PDZD2: variants seen among roughly 807,000 people sequenced by gnomAD.
PDZD2 encodes the protein PDZ domain-containing protein 2.
A neutral mutation model predicts 220.7 loss-of-function variants in PDZD2; 90 were observed. The ratio of observed to expected loss-of-function variants is 0.41; its 90% CI spans 0.34 to 0.49. PDZD2 has a LOEUF of 0.49. PDZD2 is among the 20% of genes least tolerant of loss of function. PDZD2 has a pLI of 0.28. For missense variants in PDZD2, 3,174 were observed against 3,608.5 expected (o/e 0.88, Z 3.08); for synonymous variants, 1,375 against 1,450.5 (o/e 0.95, Z 1.18).
At chr5:31,923,649 C>G in intron 2 of PDZD2, 1 of 697,510 alleles carries the variant, frequency 1.4e-6, no homozygotes, top group Non-Finnish European at 2.7e-6. Context: ...TGGCACAAGG[C>G]TCTTCACAGA....
chr5:31,958,674 G>A (rs192930563), intron 2 of PDZD2, among the ~76,000 whole-genome samples: 1 of 152,270 alleles, frequency 6.6e-6, no homozygotes, highest in East Asian at 1.9e-4. Flanking sequence ...AGGCTGGAGA[G>A]CAGTGGTGCA....
chr5:31,801,707 A>G (rs1353556825), intron 2 of PDZD2, among the ~76,000 whole-genome samples: 2 of 152,140 alleles, frequency 1.3e-5, no homozygotes, highest in Non-Finnish European at 2.9e-5. Flanking sequence ...CAGATGCCCC[A>G]TGTGTGAAAT....
intron 14 of PDZD2, among the ~76,000 whole-genome samples, chr5:32,067,911 CAAT>C (rs2112372227): frequency 1.3e-5 from 2 of 152,220 alleles, no homozygotes; most frequent in East Asian, 3.9e-4. Context: ...CAATAATAGT[CAAT>C]GATGCCAAAA....
intron 1 of PDZD2, among the ~76,000 whole-genome samples, chr5:31,658,497 CCTCT>C (rs934196495): frequency 1.6e-4 from 24 of 152,280 alleles, no homozygotes; most frequent in African/African-American, 5.3e-4. Context: ...CTGCCGTTAA[CCTCT>C]CTGTGTCTGT....
At chr5:31,689,353 A>ATATATATATATATATATTT in intron 1 of PDZD2, among the ~76,000 whole-genome samples, 1 of 35,120 alleles carries the variant, frequency 2.8e-5, no homozygotes, top group African/African-American at 2.1e-4. Flanking sequence ...ATATATATAT[A>ATATATATATATATATATTT]TTTTTTTTTT....
At chr5:32,041,416 G>A (rs1389902188) in intron 7 of PDZD2, among the ~76,000 whole-genome samples, 1 of 149,772 alleles carries the variant, frequency 6.7e-6, no homozygotes, top group Non-Finnish European at 1.5e-5. Flanking sequence ...GGGAAACGTG[G>A]GGAAAAGAGA....
At chr5:31,821,785 C>T (rs575518749) in intron 2 of PDZD2, among the ~76,000 whole-genome samples, 12 of 152,118 alleles carry the variant, frequency 7.9e-5, no homozygotes, top group South Asian at 4.2e-4. Context: ...CCCATCAAGC[C>T]GTCATCTAGG....
At chr5:31,891,713 C>T (rs1421911057) in intron 2 of PDZD2, among the ~76,000 whole-genome samples, 1 of 152,150 alleles carries the variant, frequency 6.6e-6, no homozygotes, top group Non-Finnish European at 1.5e-5. Flanking sequence ...GAATGCTCAC[C>T]AACGCTGTCA....
chr5:31,827,707 A>G (rs1756312400), intron 2 of PDZD2, among the ~76,000 whole-genome samples: 3 of 90,206 alleles, frequency 3.3e-5, no homozygotes, highest in African/African-American at 5.3e-5. Context: ...AAATAAATAA[A>G]TAAAAAAATA....
At chr5:31,918,921 C>G (rs1053029342) in intron 2 of PDZD2, among the ~76,000 whole-genome samples, 1 of 152,218 alleles carries the variant, frequency 6.6e-6, no homozygotes, top group African/African-American at 2.4e-5. Context: ...CTGATTGGAG[C>G]TGGCAGCCCC....
intron 2 of PDZD2, among the ~76,000 whole-genome samples, chr5:31,931,153 G>T (rs1318218240): frequency 1.3e-5 from 2 of 152,152 alleles, no homozygotes; most frequent in Non-Finnish European, 2.9e-5. Context: ...CTCTTGAGTA[G>T]CTGGGATTAC....
chr5:31,930,977 G>A (rs1302603474), intron 2 of PDZD2, among the ~76,000 whole-genome samples: 2 of 152,164 alleles, frequency 1.3e-5, no homozygotes, highest in East Asian at 3.9e-4. Flanking sequence ...ATTGGCATGA[G>A]TTGGAAGAGG....
At chr5:31,707,383 C>T (rs1747883102) in intron 1 of PDZD2, among the ~76,000 whole-genome samples, 1 of 151,540 alleles carries the variant, frequency 6.6e-6, no homozygotes, top group African/African-American at 2.4e-5. Context: ...GTAGAGAAAC[C>T]AGTGCTTGCT....
At chr5:31,954,994 A>T (rs1747533201) in intron 2 of PDZD2, among the ~76,000 whole-genome samples, 1 of 152,086 alleles carries the variant, frequency 6.6e-6, no homozygotes, top group Non-Finnish European at 1.5e-5. Flanking sequence ...TGCCAAATTG[A>T]GTGTAATCAT....
chr5:31,881,642 T>C (rs1739935599), intron 2 of PDZD2, among the ~76,000 whole-genome samples: 1 of 150,690 alleles, frequency 6.6e-6, no homozygotes, highest in Non-Finnish European at 1.5e-5. Context: ...CTTCCCAGAG[T>C]GCTGGAATTA....
At chr5:31,825,362 A>G (rs1756147580) in intron 2 of PDZD2, among the ~76,000 whole-genome samples, 2 of 152,206 alleles carry the variant, frequency 1.3e-5, no homozygotes, top group African/African-American at 4.8e-5. Flanking sequence ...GATGAAAGAC[A>G]GTGTCCCCAG....
At chr5:31,871,312 G>A (rs990330506) in intron 2 of PDZD2, among the ~76,000 whole-genome samples, 1 of 152,188 alleles carries the variant, frequency 6.6e-6, no homozygotes, top group African/African-American at 2.4e-5. Flanking sequence ...AGGATCACCT[G>A]TATTTGGAAT....
In PDZD2 at chr5:32,089,745, A is replaced by G; in HGVS notation, c.6297A>G (p.Ala2099=). 6.2e-7 allele frequency: 1 copy of G among 1,614,208 alleles called. No individual in the cohort carries two copies. The highest frequency in any genetic ancestry group is 1.1e-5 in the South Asian group (1 of 91,086). Residue 2099 remains alanine (A), a synonymous_variant, in exon 20 of 25, where the codon GCA becomes GCG. Transcript: ENST00000438447. The stretch of plus-strand genomic sequence containing the variant: ...AAATCGTGGAGATTTCTGCTGAAGC[A>G]GTGTCAGAGACTGTATGTGGTAACA... The part of the protein sequence containing the change: ...QLKIVEISAE[A]VSETVCGNKP...
chr5:31,938,057 T>C (rs1276665283), intron 2 of PDZD2, among the ~76,000 whole-genome samples: 1 of 152,248 alleles, frequency 6.6e-6, no homozygotes, highest in Non-Finnish European at 1.5e-5. Flanking sequence ...AAACATTTGC[T>C]GGTTTGCTGG....
Sources: gnomAD v4.1 joint callset for allele counts (sites outside exome capture counted in the v4.1 genomes callset) on GRCh38, gnomAD v4.1.1 for gene constraint, MANE v1.5 for transcripts, NCBI Gene and HGNC (gene_info 2026-07-23, HGNC 2026-07-21) for gene names.